CLSTN2: variants seen among roughly 807,000 people sequenced by gnomAD.
CLSTN2 encodes the protein calsyntenin 2, also known as calsyntenin-2.
Under a neutral mutation model 101.2 loss-of-function variants are expected in CLSTN2, and 48 were observed. That is an observed-to-expected ratio of 0.47 (90% CI 0.38 to 0.60). The LOEUF is 0.60. Ranked by LOEUF, CLSTN2 falls within the 20% of genes least tolerant of loss-of-function variation. CLSTN2 has a pLI of 0.00. For synonymous variants in CLSTN2, 481 were observed against 463.6 expected (o/e 1.04, Z -0.48); for missense variants, 1,160 against 1,238.2 (o/e 0.94, Z 0.95).
intron 2 of CLSTN2, among the ~76,000 whole-genome samples, chr3:140,377,647 A>G (rs1252169845): frequency 1.3e-5 from 2 of 152,158 alleles, no homozygotes; most frequent in South Asian, 4.1e-4. Context: ...ATAAAGAAAG[A>G]AAACATTTTT....
intron 8 of CLSTN2, among the ~76,000 whole-genome samples, chr3:140,501,693 C>T (rs1263813748): frequency 2.0e-5 from 3 of 152,186 alleles, no homozygotes; most frequent in Non-Finnish European, 4.4e-5. Context: ...TACAAGAATC[C>T]TTACACAGAC....
intron 2 of CLSTN2, among the ~76,000 whole-genome samples, chr3:140,342,066 T>C (rs546095131): frequency 6.6e-6 from 1 of 152,296 alleles, no homozygotes; most frequent in African/African-American, 2.4e-5. Flanking sequence ...TTGTCATACA[T>C]AGCCTTGTCT....
chr3:140,232,845 A>G (rs1387952338), intron 2 of CLSTN2, among the ~76,000 whole-genome samples: 1 of 151,546 alleles, frequency 6.6e-6, no homozygotes, highest in Non-Finnish European at 1.5e-5. Context: ...TTGTTATACT[A>G]CCCCCTCTCT....
intron 16 of CLSTN2, among the ~76,000 whole-genome samples, chr3:140,564,476 C>A (rs988906077): frequency 3.3e-5 from 5 of 152,202 alleles, no homozygotes; most frequent in African/African-American, 1.2e-4. Flanking sequence ...AGCTAACTAA[C>A]ACTTAGGGAC....
At chr3:140,539,166 C>T (rs987811961) in intron 9 of CLSTN2, among the ~76,000 whole-genome samples, 2 of 150,274 alleles carry the variant, frequency 1.3e-5, no homozygotes, top group African/African-American at 5.0e-5. Flanking sequence ...ATATCCTATT[C>T]TTGAGGCTAC....
At chr3:139,958,464 T>C (rs1235218546) in intron 1 of CLSTN2, among the ~76,000 whole-genome samples, 1 of 152,188 alleles carries the variant, frequency 6.6e-6, no homozygotes, top group Non-Finnish European at 1.5e-5. Flanking sequence ...CATGCATTTC[T>C]GTACAAAAGA....
intron 9 of CLSTN2, among the ~76,000 whole-genome samples, chr3:140,537,435 C>T (rs1935380121): frequency 6.6e-6 from 1 of 152,194 alleles, no homozygotes; most frequent in Admixed American, 6.5e-5. Flanking sequence ...CCGGAAAGGC[C>T]TACAGCATGT....
intron 1 of CLSTN2, among the ~76,000 whole-genome samples, chr3:140,031,125 A>G (rs377419614): frequency 4.6e-5 from 7 of 152,344 alleles, no homozygotes; most frequent in Admixed American, 2.6e-4. Context: ...AAAGCTTTAA[A>G]TAAATCCAAT....
chr3:140,508,576 C>T (rs349502), intron 8 of CLSTN2: 54,959 of 152,108 alleles, frequency 0.36, 10,923 homozygotes, highest in African/African-American at 0.52. Context: ...TGGAGGCAAG[C>T]GATCTGCTTA....
intron 1 of CLSTN2, among the ~76,000 whole-genome samples, chr3:140,081,021 A>T (rs1360229101): frequency 6.6e-6 from 1 of 152,232 alleles, no homozygotes; most frequent in African/African-American, 2.4e-5. Context: ...CAGCGTACTT[A>T]GCTGTGCCAG....
chr3:140,198,928 G>A (rs2010683293), intron 2 of CLSTN2, among the ~76,000 whole-genome samples: 1 of 152,124 alleles, frequency 6.6e-6, no homozygotes, highest in Non-Finnish European at 1.5e-5. Context: ...TGAGAGACAG[G>A]GCCTCTAGTT....
chr3:140,097,335 T>C (rs1236773858), intron 1 of CLSTN2, among the ~76,000 whole-genome samples: 2 of 152,182 alleles, frequency 1.3e-5, no homozygotes, highest in East Asian at 3.9e-4. Flanking sequence ...ACTTTTAAAC[T>C]GAGAGATTTA....
chr3:140,488,173 C>T (rs1419090211), intron 8 of CLSTN2, among the ~76,000 whole-genome samples: 1 of 152,118 alleles, frequency 6.6e-6, no homozygotes, highest in African/African-American at 2.4e-5. Flanking sequence ...TGTGTCTACA[C>T]TGTGCCCCAT....
intron 2 of CLSTN2, among the ~76,000 whole-genome samples, chr3:140,177,182 C>A (rs76502258): frequency 0.017 from 2,663 of 152,244 alleles, 88 homozygotes; most frequent in African/African-American, 0.061. Flanking sequence ...GAATGAAAAC[C>A]ACTAAGGGTA....
intron 1 of CLSTN2, among the ~76,000 whole-genome samples, chr3:139,957,529 T>G (rs991815447): frequency 3.3e-5 from 5 of 152,100 alleles, no homozygotes; most frequent in African/African-American, 1.2e-4. Flanking sequence ...ATTGGTTTAT[T>G]AGATAATGAG....
At chr3:140,151,112 C>T (rs1281476591) in intron 1 of CLSTN2, among the ~76,000 whole-genome samples, 1 of 151,936 alleles carries the variant, frequency 6.6e-6, no homozygotes, top group Non-Finnish European at 1.5e-5. Context: ...AATGGTTGGG[C>T]AGTGCTTAGC....
intron 1 of CLSTN2, among the ~76,000 whole-genome samples, chr3:139,974,352 T>A (rs1935774199): frequency 6.6e-6 from 1 of 152,164 alleles, no homozygotes; most frequent in South Asian, 2.1e-4. Flanking sequence ...CACACCTTCC[T>A]CCATAAGAAT....
At chr3:140,425,155 C>T (rs1478942228) in intron 5 of CLSTN2, among the ~76,000 whole-genome samples, 1 of 152,184 alleles carries the variant, frequency 6.6e-6, no homozygotes, top group African/African-American at 2.4e-5. Flanking sequence ...ATCCATTACA[C>T]GCAAGAGCTC....
At chr3:140,475,485 T>C (rs1176667019) in intron 8 of CLSTN2, among the ~76,000 whole-genome samples, 1 of 152,218 alleles carries the variant, frequency 6.6e-6, no homozygotes, top group Non-Finnish European at 1.5e-5. Flanking sequence ...ACTTGGATTT[T>C]CTTTATTTTT....
Sources: gnomAD v4.1 joint callset for allele counts (sites outside exome capture counted in the v4.1 genomes callset) on GRCh38, gnomAD v4.1.1 for gene constraint, MANE v1.5 for transcripts, NCBI Gene and HGNC (gene_info 2026-07-23, HGNC 2026-07-21) for gene names.